ABCB4: variants seen among roughly 807,000 people sequenced by gnomAD.
ABCB4 encodes phosphatidylcholine translocator ABCB4.
In ABCB4, 76 loss-of-function variants were observed where a neutral mutation model predicts 145.7. The observed-to-expected ratio is 0.52, with a 90% CI of 0.43 to 0.63. The LOEUF (loss-of-function observed/expected upper bound fraction) is 0.63, where lower values mean the gene tolerates loss of function less well. Ranked by LOEUF, ABCB4 falls within the 30% of genes least tolerant of loss-of-function variation. ABCB4 has a pLI of 0.00. For missense variants in ABCB4, 1,234 were observed against 1,553.1 expected (o/e 0.79, Z 3.45); for synonymous variants, 517 against 566.8 (o/e 0.91, Z 1.25).
At position 87,475,400 on chromosome 7, in the gene ABCB4, T is replaced by C. The variant is rs759437240; in HGVS notation, c.66A>G (p.Glu22=). ...TGGGGATGTACCTGCTGATGCCCAG[T>C]TCAAAGTCGCCCTCCGCGCTCGTGG... ...WRPTSAEGDF[E]LGISSKQKRK... is the part of the protein sequence containing the mutation. Residue 22 remains glutamate, a synonymous_variant, in exon 2 of 28, where the codon GAA becomes GAG. Transcript: ENST00000649586. 1.7e-5 allele frequency: 28 copies of C among 1,614,082 alleles called. 1 individual carries two copies. Among genetic ancestry groups the C allele is most frequent in the Middle Eastern group, 3.3e-4 (2 of 6,084 alleles).
At chr7:87,371,042 A>T in the ABCB4 span, among the ~76,000 whole-genome samples, 6 of 152,344 alleles carry the variant, frequency 3.9e-5, no homozygotes, top group South Asian at 1.2e-3. Flanking sequence ...GTTCTATTAA[A>T]CACATCTTCC....
chr7:87,454,643 G>T (rs1360968312), intron 4 of ABCB4, 51 bp from the exon 5 acceptor site: 10 of 1,299,544 alleles, frequency 7.7e-6, no homozygotes, highest in Non-Finnish European at 1.1e-5. Flanking sequence ...CTATTAATAG[G>T]CATTGCCAGG....
chr7:87,382,523 C>G, the ABCB4 span: 1 of 1,613,826 alleles, frequency 6.2e-7, no homozygotes, highest in Admixed American at 1.7e-5. Context: ...TTCAGCTGGC[C>G]TATTACAGAC....
intron 3 of ABCB4, among the ~76,000 whole-genome samples, chr7:87,466,458 A>G (rs1423260620): frequency 3.3e-5 from 5 of 152,254 alleles, no homozygotes; most frequent in Admixed American, 3.3e-4. Flanking sequence ...TAATGGAACC[A>G]AGTTGGAAAA....
chr7:87,437,699 G>A (rs1454478875), intron 14 of ABCB4, among the ~76,000 whole-genome samples: 1 of 152,080 alleles, frequency 6.6e-6, no homozygotes, highest in East Asian at 1.9e-4. Context: ...CTTCAGAGAT[G>A]TCTCAGGCTT....
intron 14 of ABCB4, among the ~76,000 whole-genome samples, chr7:87,435,926 TATTAGAGGATAGAAAAGGAGTACCTTCA>T (rs1810573705): frequency 6.6e-6 from 1 of 152,196 alleles, no homozygotes; most frequent in Admixed American, 6.5e-5. Flanking sequence ...AAGAAATTGC[TATTAGAGGATAGAAAAGGAGTACCTTCA>T]TTATGTAACC....
In ABCB4 at chr7:87,424,295, G is replaced by C. The variant is rs45609336; in HGVS notation, c.2065-243C>G. Among the ~76,000 whole-genome samples the C allele has an allele frequency of 0.07, 10,717 of 152,238 alleles. 393 individuals are homozygous for C. Among genetic ancestry groups the C allele is most frequent in the South Asian group, 0.14 (656 of 4,826 alleles). ...ATAACCTTCATGGGATGCTTAGCCC[G>C]TCCCTATTCTGGCCTCAGCAGACTG... On this transcript the variant is annotated intron_variant, in intron 16 of 27. Coordinates refer to ENST00000649586, the MANE Select transcript of ABCB4 (RefSeq NM_000443.4).
intron 9 of ABCB4, among the ~76,000 whole-genome samples, chr7:87,445,900 C>G (rs1283050063): frequency 2.6e-5 from 4 of 152,280 alleles, no homozygotes; most frequent in Non-Finnish European, 5.9e-5. Context: ...CTCAGCCCTA[C>G]CGGATAGGTG....
the ABCB4 span, among the ~76,000 whole-genome samples, chr7:87,379,070 T>G: frequency 6.6e-6 from 1 of 152,184 alleles, no homozygotes; most frequent in Admixed American, 6.5e-5. Context: ...TCCTTGACCT[T>G]CCTCAGTCTG....
chr7:87,464,380 T>C (rs1812706727), intron 3 of ABCB4, among the ~76,000 whole-genome samples: 1 of 152,042 alleles, frequency 6.6e-6, no homozygotes, highest in Non-Finnish European at 1.5e-5. Flanking sequence ...GCAGGTAAAG[T>C]CAAGAGCCAA....
At chr7:87,406,927 G>A (rs1808242010) in intron 25 of ABCB4, among the ~76,000 whole-genome samples, 1 of 152,084 alleles carries the variant, frequency 6.6e-6, no homozygotes, top group African/African-American at 2.4e-5. Flanking sequence ...CCCAAAAGCT[G>A]GTTGACTCTG....
chr7:87,413,498 A>G (rs1808764318), intron 22 of ABCB4, 119 bp downstream of exon 22: 8 of 710,904 alleles, frequency 1.1e-5, no homozygotes, highest in South Asian at 1.1e-4. Flanking sequence ...TGTTGAAAAA[A>G]GGCCACCCTT....
At chr7:87,424,082 G>A (rs575618376) in intron 16 of ABCB4, 30 bp from the exon 17 acceptor site, 3 of 1,613,448 alleles carry the variant, frequency 1.9e-6, no homozygotes, top group Non-Finnish European at 2.5e-6. Context: ...GGGCAAACTG[G>A]TGATGACACA....
chr7:87,431,496 C>T lies in ABCB4; in HGVS notation c.1801G>A (p.Ala601Thr), dbSNP rs1037196284. Reference protein sequence around the residue: ...LSTVRNADVIAGFEDGVIVEQ... With the variant: ...LSTVRNADVITGFEDGVIVEQ... ...ACAATTACTCCATCCTCAAACCCAG[C>T]GATGACATCTGCATTTCGGACCGTA... The change falls in exon 15 of 28, where the codon GCT (alanine) becomes ACT (threonine). Residue 601 changes from alanine (A) to threonine (T), a missense_variant. Ala to Thr is a moderately conservative substitution (Grantham distance 58). This residue lies in a region of ABCB4 where 321 missense variants were observed against 332.6 expected (regional missense o/e 0.97). Transcript: ENST00000649586. 8 of 1,613,998 alleles carry T rather than the reference C, an allele frequency of 5.0e-6. No homozygotes were observed. The highest frequency in any genetic ancestry group is 2.2e-5 in the South Asian group (2 of 91,082).
chr7:87,475,665 T>C lies in ABCB4; in HGVS notation c.-38A>G, dbSNP rs1584808475. ...CCTCGCGCGTGTCTGGCAGGGCCTC[T>C]GGACGCGCGGGCGCTGCAGCAGAGG... is the stretch of plus-strand genomic sequence containing the variant. On this transcript the variant is annotated 5_prime_UTR_variant, in exon 1 of 28. Transcript: ENST00000649586. The C allele has an allele frequency of 6.5e-6, 4 of 616,920 alleles. No individual in the cohort carries two copies. Among genetic ancestry groups the C allele is most frequent in the East Asian group, 2.8e-5 (1 of 35,662 alleles). 38.2% of individuals were successfully genotyped at this position (616,920 alleles called of 1,614,324 possible). A position where few individuals can be genotyped will look rare whatever the true frequency, so the allele number is the denominator to read the frequency against.
At chr7:87,443,468 AAC>A (rs1471682665) in intron 11 of ABCB4, 24 bp from the exon 12 acceptor site, 2 of 1,614,080 alleles carry the variant, frequency 1.2e-6, no homozygotes, top group East Asian at 4.5e-5. Context: ...GAGAAAAAAG[AAC>A]ACACTTCACA....
At chr7:87,389,690 G>T in the ABCB4 span, among the ~76,000 whole-genome samples, 1 of 152,160 alleles carries the variant, frequency 6.6e-6, no homozygotes, top group Non-Finnish European at 1.5e-5. Context: ...GTTGATGGGT[G>T]CAGCAAACCA....
At position 87,453,414 on chromosome 7, in the gene ABCB4, C is replaced by T. The variant is rs183779197; in HGVS notation, c.345-279G>A. 2.9e-3 allele frequency among the ~76,000 whole-genome samples: 445 copies of T among 152,178 alleles called. 4 individuals carry two copies. The highest frequency in any genetic ancestry group is 0.01 in the African/African-American group (421 of 41,488). On this transcript the variant is annotated intron_variant, in intron 5 of 27. Coordinates refer to ENST00000649586, the MANE Select transcript of ABCB4 (RefSeq NM_000443.4). ...GGCCAGGCTGGTCTCGAACTCCTGA[C>T]CTCAAGTGATCTGCTCACCTCCGCC... is the stretch of plus-strand genomic sequence containing the variant.
intron 4 of ABCB4, among the ~76,000 whole-genome samples, chr7:87,461,294 A>G (rs534381046): frequency 1.3e-5 from 2 of 152,324 alleles, no homozygotes; most frequent in African/African-American, 4.8e-5. Flanking sequence ...CAACTTCACA[A>G]TGTTTATGTT....
Sources: allele counts gnomAD v4.1 joint callset (sites outside exome capture counted in the v4.1 genomes callset), GRCh38; gene constraint gnomAD v4.1.1; regional missense constraint gnomAD v4.1.1; transcripts MANE v1.5; gene names NCBI Gene and HGNC (gene_info 2026-07-23, HGNC 2026-07-21).